RAB37: variants seen among roughly 807,000 people sequenced by gnomAD.
The protein encoded by RAB37 is RAB37, member RAS oncogene family.
Under a neutral mutation model 33.1 loss-of-function variants are expected in RAB37, and 29 were observed. The observed-to-expected ratio is 0.88, with a 90% CI of 0.65 to 1.20. The LOEUF (loss-of-function observed/expected upper bound fraction) is 1.20, where lower values mean the gene tolerates loss of function less well. Ranked by LOEUF, RAB37 falls within the 50% of genes most tolerant of loss-of-function variation. The pLI is 0.00. For synonymous variants in RAB37, 128 were observed against 119.5 expected (o/e 1.07, Z -0.47); for missense variants, 299 against 301.1 (o/e 0.99, Z 0.05).
intron 1 of RAB37, among the ~76,000 whole-genome samples, chr17:74,690,525 G>C (rs1199192050): frequency 1.3e-5 from 2 of 152,140 alleles, no homozygotes; most frequent in Admixed American, 6.5e-5. Flanking sequence ...AAGTCATGAT[G>C]GGGTGCGGGG....
chr17:74,737,157 G>C, upstream of RAB37: 2 of 1,564,474 alleles, frequency 1.3e-6, no homozygotes, highest in Non-Finnish European at 1.7e-6. Context: ...GGGACGGAGG[G>C]AGGAGCCTGA....
At chr17:74,673,273 T>G (rs904122609) in intron 1 of RAB37, among the ~76,000 whole-genome samples, 6 of 151,502 alleles carry the variant, frequency 4.0e-5, no homozygotes, top group African/African-American at 1.5e-4. Flanking sequence ...CATGGTGGTG[T>G]GCGCCTGTGA....
upstream of RAB37, among the ~76,000 whole-genome samples, chr17:74,735,774 T>C (rs1301433587): frequency 6.6e-6 from 1 of 152,182 alleles, no homozygotes; most frequent in Non-Finnish European, 1.5e-5. Flanking sequence ...CTCTGGGCGC[T>C]TCTCCCAGCT....
At chr17:74,706,343 C>CT (rs765052724) in intron 1 of RAB37, among the ~76,000 whole-genome samples, 2,692 of 134,976 alleles carry the variant, frequency 0.02, 42 homozygotes, top group South Asian at 0.038. Flanking sequence ...TGTGCCTGGC[C>CT]TTTTTTTTTT....
intron 1 of RAB37, among the ~76,000 whole-genome samples, chr17:74,688,561 A>G (rs915837577): frequency 2.0e-5 from 3 of 151,576 alleles, no homozygotes; most frequent in African/African-American, 7.3e-5. Flanking sequence ...TCAAAAAAAA[A>G]AAAAAGAAAA....
In RAB37 at chr17:74,745,017, G is replaced by C; in HGVS notation, c.499G>C (p.Val167Leu). The C allele has an allele frequency of 6.2e-7, 1 of 1,614,266 alleles. No individual in the cohort carries two copies. The highest frequency in any genetic ancestry group is 8.5e-7 in the Non-Finnish European group (1 of 1,180,046). The change falls in exon 8 of 9, where the codon GTT becomes CTT. Residue 167 changes from valine to leucine, a missense_variant. Val to Leu is a conservative substitution (Grantham distance 32, BLOSUM62 1). Transcript: ENST00000392613. The surrounding 1 kb of genome is among the most constrained non-coding windows in gnomAD (Gnocchi z 4.5). The stretch of plus-strand genomic sequence containing the variant: ...ACTCTCTCCCGGGCAGGAGTACGGT[G>C]TTCCCTTCCTGGAGACCAGCGCCAA... ...DGETLAREYG[V>L]PFLETSAKTG...
chr17:74,714,431 A>ACACACACACG (rs888843670), intron 1 of RAB37, among the ~76,000 whole-genome samples: 71 of 150,842 alleles, frequency 4.7e-4, no homozygotes, highest in African/African-American at 1.7e-3. Flanking sequence ...ACACACACAC[A>ACACACACACG]CACGCACGCA....
chr17:74,695,514 G>A (rs780140787), intron 1 of RAB37, among the ~76,000 whole-genome samples: 3 of 152,182 alleles, frequency 2.0e-5, no homozygotes, highest in African/African-American at 4.8e-5. Flanking sequence ...TGCTGCCCAC[G>A]TGGGGACTGT....
intron 1 of RAB37, among the ~76,000 whole-genome samples, chr17:74,672,481 A>G (rs566075591): frequency 2.0e-5 from 3 of 152,288 alleles, no homozygotes; most frequent in Admixed American, 2.0e-4. Flanking sequence ...GTGATCCTAT[A>G]GGTGGAGTTT....
intron 1 of RAB37, among the ~76,000 whole-genome samples, chr17:74,677,016 GGT>G (rs1238514464): frequency 1.3e-5 from 2 of 152,040 alleles, no homozygotes; most frequent in Non-Finnish European, 2.9e-5. Context: ...CAGCCGTGGT[GGT>G]GCACGCCTGA....
chr17:74,697,306 T>C (rs542120225), intron 1 of RAB37, among the ~76,000 whole-genome samples: 60 of 152,114 alleles, frequency 3.9e-4, no homozygotes, highest in South Asian at 1.5e-3. Flanking sequence ...CCTGTCTTCT[T>C]TCTCCCCTCC....
At chr17:74,731,034 G>A (rs552118455) in intron 2 of RAB37, among the ~76,000 whole-genome samples, 1 of 152,338 alleles carries the variant, frequency 6.6e-6, no homozygotes, top group Non-Finnish European at 1.5e-5. Context: ...CGATGTTCTG[G>A]TGCATCTCAG....
At chr17:74,728,773 A>G (rs544340770) in intron 1 of RAB37, among the ~76,000 whole-genome samples, 2 of 144,662 alleles carry the variant, frequency 1.4e-5, no homozygotes, top group Non-Finnish European at 3.0e-5. Flanking sequence ...TTGTGCATGT[A>G]TGTTTCTGTG....
intron 1 of RAB37, among the ~76,000 whole-genome samples, chr17:74,699,388 C>T (rs936334134): frequency 1.3e-5 from 2 of 152,128 alleles, no homozygotes; most frequent in Non-Finnish European, 2.9e-5. Context: ...TTCACATCCA[C>T]TCAGACCCGT....
At chr17:74,706,070 A>G (rs1451161826) in intron 1 of RAB37, among the ~76,000 whole-genome samples, 1 of 152,140 alleles carries the variant, frequency 6.6e-6, no homozygotes, top group Non-Finnish European at 1.5e-5. Context: ...AAAGATGGGA[A>G]CAACAGGCAG....
intron 1 of RAB37, among the ~76,000 whole-genome samples, chr17:74,673,815 G>T (rs1258710195): frequency 6.6e-6 from 1 of 152,126 alleles, no homozygotes; most frequent in Non-Finnish European, 1.5e-5. Context: ...TAAACCTTCT[G>T]TGGTGCCCAG....
chr17:74,699,249 G>A (rs1026741801), intron 1 of RAB37, among the ~76,000 whole-genome samples: 1 of 152,118 alleles, frequency 6.6e-6, no homozygotes, highest in African/African-American at 2.4e-5. Context: ...AGGAGAAAAG[G>A]GTTCCATGAG....
rs2034640029 is a variant in RAB37 at position 74,742,366 on chromosome 17, G to A, written c.246+71G>A. The A allele has an allele frequency of 1.6e-6, 2 of 1,282,924 alleles. No individual in the cohort carries two copies. The highest frequency in any genetic ancestry group is 2.2e-6 in the Non-Finnish European group (2 of 900,248). 79.5% of individuals were successfully genotyped at this position (1,282,924 alleles called of 1,614,324 possible). A position where few individuals can be genotyped will look rare whatever the true frequency, so the allele number is the denominator to read the frequency against. On this transcript the variant is annotated intron_variant, in intron 3 of 8. Coordinates refer to ENST00000392613, the MANE Select transcript of RAB37 (RefSeq NM_001006638.3). The surrounding 1 kb of genome is among the most constrained non-coding windows in gnomAD (Gnocchi z 4.0). ...CCTTCCTTCTCACCCTGAACCACAG[G>A]AGGCCTGCAGCCCTGCCCTCCGCCT...
intron 1 of RAB37, among the ~76,000 whole-genome samples, chr17:74,693,100 G>A (rs1434323844): frequency 6.6e-6 from 1 of 152,198 alleles, no homozygotes; most frequent in Non-Finnish European, 1.5e-5. Context: ...AATTGGAGGT[G>A]GGCTGCAGGG....
Sources: gnomAD v4.1 joint callset for allele counts (sites outside exome capture counted in the v4.1 genomes callset) on GRCh38, gnomAD v4.1.1 for gene constraint, Gnocchi (gnomAD v3.1) non-coding constraint, MANE v1.5 for transcripts, NCBI Gene and HGNC (gene_info 2026-07-23, HGNC 2026-07-21) for gene names.